The following SELENOF variants were observed in gnomAD, a reference collection of about 807,000 sequenced individuals.
The protein encoded by SELENOF is selenoprotein F.
In SELENOF, 16 loss-of-function variants were observed where a neutral mutation model predicts 20.5. The observed-to-expected ratio is 0.78, with a 90% CI of 0.53 to 1.19. SELENOF has a LOEUF of 1.19. Ranked by LOEUF, SELENOF falls within the 50% of genes most tolerant of loss-of-function variation. SELENOF has a pLI of 0.00. For synonymous variants in SELENOF, 78 were observed against 74.5 expected (o/e 1.05, Z -0.24); for missense variants, 215 against 194.2 (o/e 1.11, Z -0.64).
intron 2 of SELENOF, among the ~76,000 whole-genome samples, chr1:86,881,475 A>T (rs1393929746): frequency 3.9e-5 from 6 of 152,234 alleles, no homozygotes; most frequent in Admixed American, 3.9e-4. Context: ...GCAGGAATAT[A>T]CTTGGAAATG....
chr1:86,888,907 A>G (rs935773846), intron 2 of SELENOF, among the ~76,000 whole-genome samples: 2 of 152,216 alleles, frequency 1.3e-5, no homozygotes, highest in African/African-American at 2.4e-5. Flanking sequence ...TTGGCCTCCC[A>G]AAGTGCTAGG....
chr1:86,890,521 G>A (rs972667898), intron 2 of SELENOF, among the ~76,000 whole-genome samples: 1 of 151,906 alleles, frequency 6.6e-6, no homozygotes, highest in Non-Finnish European at 1.5e-5. Flanking sequence ...GACAGAGCTC[G>A]CTCTGTTACC....
chr1:86,877,198 C>T (rs1658945297), intron 3 of SELENOF, among the ~76,000 whole-genome samples: 1 of 152,110 alleles, frequency 6.6e-6, no homozygotes, highest in Non-Finnish European at 1.5e-5. Context: ...TGGTGCCAGA[C>T]ACATACTAAG....
rs376208431 is a variant in SELENOF, at chr1:86,868,086, A to G, written c.333T>C (p.Asp111=). The change falls in exon 4 of 5, where the codon GAT becomes GAC. Residue 111 remains aspartate, a synonymous_variant. Coordinates refer to ENST00000331835, the MANE Select transcript of SELENOF (RefSeq NM_004261.5). ...GCAGTCCTCTGAACAGTTTGGGTTT[A>G]TCACTCCTAACAAAAGCTTATAAAA... ...FPQVQAFVRS[D]KPKLFRGLQI... is the part of the protein sequence containing the mutation. 161 of 1,522,702 alleles carry G rather than the reference A, an allele frequency of 1.1e-4. No individual in the cohort carries two copies. Among genetic ancestry groups the G allele is most frequent in the Middle Eastern group, 1.7e-4 (1 of 5,846 alleles). The allele number at this position is 1,522,702 out of a possible 1,614,324, so 94.3% of individuals were successfully genotyped here.
intron 3 of SELENOF, among the ~76,000 whole-genome samples, chr1:86,877,939 A>G (rs1413248585): frequency 1.3e-5 from 2 of 152,196 alleles, no homozygotes; most frequent in Non-Finnish European, 2.9e-5. Context: ...ATACAAAATT[A>G]GGGACAAACC....
At chr1:86,905,577 ACTC>A (rs1219643843) in intron 1 of SELENOF, among the ~76,000 whole-genome samples, 5 of 152,056 alleles carry the variant, frequency 3.3e-5, no homozygotes, top group African/African-American at 9.7e-5. Context: ...TGTAAATCTG[ACTC>A]CTCAACAATA....
intron 2 of SELENOF, among the ~76,000 whole-genome samples, chr1:86,900,183 G>A (rs2102121449): frequency 6.6e-6 from 1 of 152,034 alleles, no homozygotes; most frequent in African/African-American, 2.4e-5. Context: ...TCCTAGACGG[G>A]GTGGCGGCTG....
chr1:86,897,596 C>G (rs1659558881), intron 2 of SELENOF, among the ~76,000 whole-genome samples: 1 of 152,110 alleles, frequency 6.6e-6, no homozygotes, highest in Non-Finnish European at 1.5e-5. Context: ...TGCTCTTTAC[C>G]TGAGAACTGC....
chr1:86,910,822 TCTC>T (rs1659962040), intron 1 of SELENOF, among the ~76,000 whole-genome samples: 1 of 152,054 alleles, frequency 6.6e-6, no homozygotes, highest in Admixed American at 6.5e-5. Context: ...TTTTTTAATC[TCTC>T]CTCCTCCCAA....
At chr1:86,873,693 A>G (rs1658846240) in intron 3 of SELENOF, among the ~76,000 whole-genome samples, 1 of 151,968 alleles carries the variant, frequency 6.6e-6, no homozygotes, top group South Asian at 2.1e-4. Flanking sequence ...TCTACAAAAA[A>G]TACAAAAAAT....
At chr1:86,899,710 A>G (rs1223568276) in intron 2 of SELENOF, among the ~76,000 whole-genome samples, 1 of 149,908 alleles carries the variant, frequency 6.7e-6, no homozygotes, top group Non-Finnish European at 1.5e-5. Context: ...TCCCTCCCGG[A>G]CAGGGCGGCT....
At chr1:86,889,361 G>A (rs1014942211) in intron 2 of SELENOF, among the ~76,000 whole-genome samples, 22 of 152,008 alleles carry the variant, frequency 1.4e-4, no homozygotes, top group East Asian at 1.9e-4. Context: ...TTTGGGAGGC[G>A]GAGCTGGGTG....
chr1:86,877,385 CCAAT>C (rs1658950020), intron 3 of SELENOF, among the ~76,000 whole-genome samples: 2 of 152,098 alleles, frequency 1.3e-5, no homozygotes, highest in African/African-American at 2.4e-5. Context: ...AGCATGTCTA[CCAAT>C]CAATCATAGT....
intron 2 of SELENOF, chr1:86,887,290 T>C: frequency 1.5e-6 from 2 of 1,366,496 alleles, no homozygotes; most frequent in Non-Finnish European, 1.9e-6. Context: ...ATTAAATTAC[T>C]ACTCATCTTG....
At chr1:86,892,013 C>A (rs1334276676) in intron 2 of SELENOF, among the ~76,000 whole-genome samples, 1 of 151,820 alleles carries the variant, frequency 6.6e-6, no homozygotes, top group Non-Finnish European at 1.5e-5. Flanking sequence ...TCAATGCAAC[C>A]TCTGCCTCCC....
intron 1 of SELENOF, among the ~76,000 whole-genome samples, chr1:86,911,978 G>T (rs879856333): frequency 6.6e-6 from 1 of 151,976 alleles, no homozygotes; most frequent in Non-Finnish European, 1.5e-5. Flanking sequence ...CACCGTGTTG[G>T]CCAGACTAGT....
At chr1:86,887,228 T>C (rs1160503142) in intron 2 of SELENOF, 4 of 1,530,028 alleles carry the variant, frequency 2.6e-6, no homozygotes, top group African/African-American at 2.8e-5. Flanking sequence ...ATCAGCGTTA[T>C]AATTTTAACA....
chr1:86,905,180 T>C (rs563757067), intron 1 of SELENOF, among the ~76,000 whole-genome samples: 1 of 152,340 alleles, frequency 6.6e-6, no homozygotes, highest in African/African-American at 2.4e-5. Context: ...TTCTTCACCA[T>C]TCTCACAACC....
intron 1 of SELENOF, among the ~76,000 whole-genome samples, chr1:86,904,102 T>C (rs1659771715): frequency 6.6e-6 from 1 of 152,210 alleles, no homozygotes; most frequent in African/African-American, 2.4e-5. Flanking sequence ...AATTTTTGTT[T>C]CATTTTAAGA....
Sources: gnomAD v4.1 joint callset for allele counts (sites outside exome capture counted in the v4.1 genomes callset) on GRCh38, gnomAD v4.1.1 for gene constraint, MANE v1.5 for transcripts, NCBI Gene and HGNC (gene_info 2026-07-23, HGNC 2026-07-21) for gene names.